Variants in RARB observed in about 807,000 individuals in gnomAD.
RARB encodes the protein HBV-activated protein.
In RARB, 17 loss-of-function variants were observed where a neutral mutation model predicts 51.9. That is an observed-to-expected ratio of 0.33 (90% CI 0.22 to 0.49). The LOEUF (loss-of-function observed/expected upper bound fraction) is 0.49. RARB is among the 20% of genes least tolerant of loss of function. The pLI, the probability that RARB is intolerant of heterozygous loss-of-function variation, is 0.99. For missense variants in RARB, 369 were observed against 550.8 expected (o/e 0.67, Z 3.30); for synonymous variants, 215 against 195.4 (o/e 1.10, Z -0.84).
At chr3:25,163,004 C>A (rs1336126969) in intron 4 of RARB, among the ~76,000 whole-genome samples, 1 of 152,158 alleles carries the variant, frequency 6.6e-6, no homozygotes, top group African/African-American at 2.4e-5. Flanking sequence ...CCAAACTGTT[C>A]TTTAAAGTGG....
At chr3:25,260,054 G>A in intron 5 of RARB, 4 of 942,998 alleles carry the variant, frequency 4.2e-6, no homozygotes, top group Non-Finnish European at 3.8e-6. Flanking sequence ...GTGAGTTCGT[G>A]TGTGGCTGGT....
chr3:25,257,526 G>A (rs1435745786), intron 5 of RARB, among the ~76,000 whole-genome samples: 2 of 152,048 alleles, frequency 1.3e-5, no homozygotes, highest in African/African-American at 2.4e-5. Context: ...CTAGGGTGGG[G>A]CAGGTTTTGG....
At chr3:25,010,301 G>C (rs1697366647) in intron 2 of RARB, among the ~76,000 whole-genome samples, 1 of 151,888 alleles carries the variant, frequency 6.6e-6, no homozygotes, top group Non-Finnish European at 1.5e-5. Flanking sequence ...GTTTAAACTA[G>C]TACAAATTAT....
Position 25,306,715 on chromosome 3 carries a change from A to G in RARB, c.178+132140A>G, listed in dbSNP as rs1704160636. ...CATTTACTATTATTCTGGGGGAAAAAAAGCTGAATCTTTAATGAAAACATA... is the reference window on the plus strand; with the variant it reads ...CATTTACTATTATTCTGGGGGAAAAGAAGCTGAATCTTTAATGAAAACATA... On this transcript the variant is annotated intron_variant, in intron 5 of 11. Transcript: ENST00000383772. Among the ~76,000 whole-genome samples, 7 of 152,204 alleles carry G rather than the reference A, an allele frequency of 4.6e-5. No homozygotes were observed. In the South Asian group the frequency reaches 1.4e-3, roughly 31 times the overall value.
intron 4 of RARB, among the ~76,000 whole-genome samples, chr3:25,169,940 A>G (rs1429399601): frequency 6.7e-6 from 1 of 148,768 alleles, no homozygotes; most frequent in Non-Finnish European, 1.5e-5. Flanking sequence ...GGGAACTGTG[A>G]TTGTGCTGCT....
At chr3:24,882,054 G>A (rs181136276) in intron 2 of RARB, among the ~76,000 whole-genome samples, 30 of 152,228 alleles carry the variant, frequency 2.0e-4, no homozygotes, top group African/African-American at 7.0e-4. Context: ...AAAAATGAAA[G>A]TCTAATAGTG....
chr3:25,583,905 T>C (rs1347022007), intron 5 of RARB, among the ~76,000 whole-genome samples: 1 of 152,132 alleles, frequency 6.6e-6, no homozygotes, highest in Non-Finnish European at 1.5e-5. Context: ...GTTGGTAGCA[T>C]CCTAGGGCTG....
chr3:25,188,584 C>T (rs1452582282), intron 5 of RARB, among the ~76,000 whole-genome samples: 3 of 152,202 alleles, frequency 2.0e-5, no homozygotes, highest in South Asian at 2.1e-4. Flanking sequence ...ATTCTGTCAG[C>T]TTCTTTGAAA....
chr3:25,215,465 A>C (rs756231122), intron 5 of RARB, among the ~76,000 whole-genome samples: 1 of 152,132 alleles, frequency 6.6e-6, no homozygotes, highest in East Asian at 1.9e-4. Flanking sequence ...CCATTCACAT[A>C]GTTGTGAATA....
chr3:24,869,957 CATTTTA>C (rs1190874392), intron 2 of RARB, among the ~76,000 whole-genome samples: 1 of 152,020 alleles, frequency 6.6e-6, no homozygotes, highest in African/African-American at 2.4e-5. Context: ...TGGAAAATCT[CATTTTA>C]GTTTTAGTTG....
At chr3:24,854,368 G>A (rs148818316) in intron 1 of RARB, among the ~76,000 whole-genome samples, 7 of 152,310 alleles carry the variant, frequency 4.6e-5, no homozygotes, top group African/African-American at 1.7e-4. Flanking sequence ...TAGTGGTGCT[G>A]TTATTAACAA....
intron 5 of RARB, among the ~76,000 whole-genome samples, chr3:25,235,716 G>T (rs1027905571): frequency 2.0e-4 from 30 of 152,170 alleles, no homozygotes; most frequent in African/African-American, 7.2e-4. Context: ...ATGAAGACAT[G>T]CGTGCGAGCA....
chr3:25,393,094 A>G lies in RARB; in HGVS notation c.179-68099A>G, dbSNP rs552508053. Among the ~76,000 whole-genome samples the G allele has an allele frequency of 3.9e-5, 6 of 152,154 alleles. No homozygotes were observed. In the East Asian group the frequency reaches 1.2e-3, roughly 29 times the overall value. ...GCCGATTTTGCTGATGTTTTCATCAAAAAACGATGCTGGATTTTGTCAAAT... is the reference window on the plus strand; with the variant it reads ...GCCGATTTTGCTGATGTTTTCATCAGAAAACGATGCTGGATTTTGTCAAAT... On this transcript the variant is annotated intron_variant, in intron 5 of 11. Transcript: ENST00000383772.
intron 3 of RARB, among the ~76,000 whole-genome samples, chr3:25,072,384 G>T (rs1295016148): frequency 3.9e-5 from 6 of 152,154 alleles, no homozygotes; most frequent in African/African-American, 1.4e-4. Context: ...AGTTCACTCT[G>T]TAACCCCATG....
At position 25,184,401 on chromosome 3, in the gene RARB, C is replaced by T. The variant is rs117828442; in HGVS notation, c.178+9826C>T. Among the ~76,000 whole-genome samples the T allele has an allele frequency of 2.4e-3, 365 of 152,146 alleles. 2 individuals are homozygous for T. Among genetic ancestry groups the T allele is most frequent in the East Asian group, 0.021 (106 of 5,150 alleles). On this transcript the variant is annotated intron_variant, in intron 5 of 11. Transcript: ENST00000383772. ...TCATGGTGAATCACATGTGGTCCCG[C>T]GAGAAGTACTGCTTGGAGACTGCCC...
chr3:25,071,194 G>T lies in RARB; in HGVS notation c.-328+11018G>T, dbSNP rs77633045. Among the ~76,000 whole-genome samples, 1,391 of 152,310 alleles carry T rather than the reference G, an allele frequency of 9.1e-3. 20 individuals carry two copies. The highest frequency in any genetic ancestry group is 0.031 in the African/African-American group (1,300 of 41,550). On this transcript the variant is annotated intron_variant, in intron 3 of 11. Coordinates refer to the RARB transcript ENST00000383772. ...GCTCAGAAGAGAAATTGGCCCATTA[G>T]TAGGTGCTCAATAAATATTTATGGA...
At chr3:25,538,026 A>T (rs1699214143) in intron 3 of RARB, among the ~76,000 whole-genome samples, 1 of 152,166 alleles carries the variant, frequency 6.6e-6, no homozygotes. Context: ...TTATCTCTGG[A>T]AGTTTTCAGG....
chr3:25,161,561 G>A (rs321533), intron 4 of RARB, among the ~76,000 whole-genome samples: 150,664 of 152,236 alleles, frequency 0.99, 74,555 homozygotes, highest in East Asian at 1. Context: ...TACTTTCATC[G>A]TGGTCTCCAC....
intron 2 of RARB, among the ~76,000 whole-genome samples, chr3:24,901,822 C>G (rs995382180): frequency 6.6e-6 from 1 of 151,960 alleles, no homozygotes; most frequent in East Asian, 1.9e-4. Context: ...GCCATTAGGC[C>G]GTTATGTAGG....
Sources: allele counts gnomAD v4.1 joint callset (sites outside exome capture counted in the v4.1 genomes callset), GRCh38; gene constraint gnomAD v4.1.1; transcripts MANE v1.5; gene names NCBI Gene and HGNC (gene_info 2026-07-23, HGNC 2026-07-21).